The following POU6F2 variants were observed in gnomAD, a reference collection of about 807,000 sequenced individuals.
POU6F2 encodes POU domain, class 6, transcription factor 2.
Under a neutral mutation model 71.3 loss-of-function variants are expected in POU6F2, and 31 were observed. That is an observed-to-expected ratio of 0.43 (90% CI 0.33 to 0.59). POU6F2 has a LOEUF of 0.59. POU6F2 is among the 20% of genes least tolerant of loss of function. The probability of loss-of-function intolerance (pLI) is 0.04; values close to 1 mark genes in which losing one functional copy is unlikely to be tolerated. For missense variants in POU6F2, 783 were observed against 856.8 expected (o/e 0.91, Z 1.07); for synonymous variants, 347 against 355.7 (o/e 0.98, Z 0.27).
chr7:39,011,909 G>C (rs1789300676), intron 1 of POU6F2, among the ~76,000 whole-genome samples: 1 of 151,958 alleles, frequency 6.6e-6, no homozygotes, highest in African/African-American at 2.4e-5. Flanking sequence ...CGTCTGATGG[G>C]CTTCCCTTTG....
At chr7:38,979,026 G>T (rs1446823469) in intron 1 of POU6F2, among the ~76,000 whole-genome samples, 2 of 152,182 alleles carry the variant, frequency 1.3e-5, no homozygotes, top group African/African-American at 4.8e-5. Flanking sequence ...CTCCTGCAAA[G>T]GGAGGGTGAT....
intron 1 of POU6F2, among the ~76,000 whole-genome samples, chr7:38,994,803 T>G (rs1788692939): frequency 6.6e-6 from 1 of 152,196 alleles, no homozygotes; most frequent in South Asian, 2.1e-4. Flanking sequence ...CAATTCACAA[T>G]GCCCTCAATT....
intron 5 of POU6F2, among the ~76,000 whole-genome samples, chr7:39,356,807 A>G (rs1390740166): frequency 1.3e-5 from 2 of 152,224 alleles, no homozygotes; most frequent in African/African-American, 4.8e-5. Flanking sequence ...CTTAGATGCT[A>G]CGATGACTCC....
At chr7:39,179,518 C>T (rs550713974) in intron 2 of POU6F2, among the ~76,000 whole-genome samples, 216 of 152,200 alleles carry the variant, frequency 1.4e-3, no homozygotes, top group African/African-American at 5.0e-3. Context: ...TGAGACCGCA[C>T]GCGCGCACAT....
chr7:39,261,113 CCTG>C (rs893886673), intron 4 of POU6F2, among the ~76,000 whole-genome samples: 3 of 151,898 alleles, frequency 2.0e-5, no homozygotes, highest in Admixed American at 2.0e-4. Context: ...AGATCTGTCT[CCTG>C]CTTCCTTTGG....
intron 1 of POU6F2, among the ~76,000 whole-genome samples, chr7:39,030,924 CAG>C: frequency 6.6e-6 from 1 of 151,994 alleles, no homozygotes; most frequent in South Asian, 2.1e-4. Context: ...GTTTTTGAGA[CAG>C]AGTCCCGCTC....
At chr7:39,358,252 C>T (rs1786301011) in intron 5 of POU6F2, among the ~76,000 whole-genome samples, 1 of 151,336 alleles carries the variant, frequency 6.6e-6, no homozygotes, top group East Asian at 1.9e-4. Flanking sequence ...GATGGCATGC[C>T]CTAGGATTTT....
chr7:39,414,957 A>T (rs1244620948), intron 6 of POU6F2, among the ~76,000 whole-genome samples: 1 of 151,982 alleles, frequency 6.6e-6, no homozygotes, highest in Non-Finnish European at 1.5e-5. Context: ...CTAAAGCAGA[A>T]CTGGGATGCT....
At chr7:39,451,772 T>C in intron 8 of POU6F2, 71 bp downstream of exon 8, 4 of 1,460,944 alleles carry the variant, frequency 2.7e-6, no homozygotes, top group Non-Finnish European at 3.7e-6. Flanking sequence ...GTCTTCCTTC[T>C]TGTCTCTCTC....
chr7:39,358,890 AAG>A (rs398066805), intron 5 of POU6F2, among the ~76,000 whole-genome samples: 1 of 151,676 alleles, frequency 6.6e-6, no homozygotes, highest in African/African-American at 2.4e-5. Context: ...AAAAAAAAAA[AAG>A]AGTATGACAA....
intron 4 of POU6F2, among the ~76,000 whole-genome samples, chr7:39,312,110 C>G (rs79052835): frequency 6.6e-6 from 1 of 151,298 alleles, no homozygotes; most frequent in Non-Finnish European, 1.5e-5. Flanking sequence ...GAAAAAGATA[C>G]GGAGGATAGA....
At chr7:39,309,653 A>C (rs1228396455) in intron 4 of POU6F2, among the ~76,000 whole-genome samples, 4 of 152,250 alleles carry the variant, frequency 2.6e-5, no homozygotes, top group African/African-American at 9.6e-5. Flanking sequence ...TTTTAATTGC[A>C]TAAAACATGA....
rs58470541 is a variant in POU6F2, at chr7:39,172,625, CT to C, written c.278-31597del. Among the ~76,000 whole-genome samples the C allele has an allele frequency of 3.1e-3, 432 of 138,408 alleles. 3 individuals are homozygous for C. The highest frequency in any genetic ancestry group is 0.022 in the South Asian group (93 of 4,264). The allele number at this position is 138,408 out of a possible 152,430, so 90.8% of individuals were successfully genotyped here. ...AGGCCTGACTCTTCAGGTCCCCCTC[CT>C]TTTTTTTTTTTTGAGGCAAAGATTC... On this transcript the variant is annotated intron_variant, in intron 2 of 9. Coordinates refer to ENST00000518318, the MANE Select transcript of POU6F2 (RefSeq NM_001370959.1).
chr7:39,352,438 G>A (rs1786157249), intron 5 of POU6F2, among the ~76,000 whole-genome samples: 1 of 152,102 alleles, frequency 6.6e-6, no homozygotes, highest in Non-Finnish European at 1.5e-5. Flanking sequence ...ACTCTTTTTC[G>A]AGAGCAAAAC....
chr7:39,294,952 C>G (rs572645463), intron 4 of POU6F2, among the ~76,000 whole-genome samples: 1 of 152,146 alleles, frequency 6.6e-6, no homozygotes, highest in Admixed American at 6.5e-5. Flanking sequence ...AAATCAGGGG[C>G]GGGTCCTGGG....
intron 4 of POU6F2, among the ~76,000 whole-genome samples, chr7:39,315,038 G>A (rs1247314710): frequency 2.0e-5 from 3 of 152,094 alleles, no homozygotes; most frequent in East Asian, 1.9e-4. Context: ...ATTTCACAGC[G>A]TTTCCGTGAC....
chr7:39,229,656 TAA>T (rs1794537504), intron 4 of POU6F2, among the ~76,000 whole-genome samples: 1 of 152,214 alleles, frequency 6.6e-6, no homozygotes, highest in Admixed American at 6.5e-5. Context: ...ACACTGATGT[TAA>T]AGTTTTCTCA....
At chr7:39,372,658 A>G (rs769687417) in intron 5 of POU6F2, among the ~76,000 whole-genome samples, 21 of 152,344 alleles carry the variant, frequency 1.4e-4, no homozygotes, top group Non-Finnish European at 2.5e-4. Context: ...ACCCAGAATA[A>G]TATTTGATCA....
At chr7:39,260,373 A>G (rs1784111005) in intron 4 of POU6F2, among the ~76,000 whole-genome samples, 1 of 148,742 alleles carries the variant, frequency 6.7e-6, no homozygotes, top group African/African-American at 2.5e-5. Context: ...CCACACACAC[A>G]TTCCATACCT....
Sources: allele counts gnomAD v4.1 joint callset (sites outside exome capture counted in the v4.1 genomes callset), GRCh38; gene constraint gnomAD v4.1.1; transcripts MANE v1.5; gene names NCBI Gene and HGNC (gene_info 2026-07-23, HGNC 2026-07-21).